NAV1: variants seen among roughly 807,000 people sequenced by gnomAD.
NAV1 encodes the protein pore membrane and/or filament interacting like protein 3.
In NAV1, 18 loss-of-function variants were observed where a neutral mutation model predicts 175.2. The observed-to-expected ratio is 0.10, with a 90% CI of 0.07 to 0.15. The LOEUF is 0.15. Among genes scored for constraint, NAV1 ranks in the 10% least tolerant of loss-of-function variants. The pLI is 1.00. For missense variants in NAV1, 1,731 were observed against 2,436.6 expected, an observed-to-expected ratio of 0.71 and a Z score of 6.10; for synonymous variants, 897 against 978.7, an observed-to-expected ratio of 0.92 and a Z score of 1.56.
intron 1 of NAV1, among the ~76,000 whole-genome samples, chr1:201,682,407 GA>G (rs1670502672): frequency 6.6e-6 from 1 of 152,188 alleles, no homozygotes; most frequent in Admixed American, 6.5e-5. Context: ...TTCACTGGCT[GA>G]AACTATTTTA....
At chr1:201,583,010 C>G (rs902468743) in intron 1 of NAV1, among the ~76,000 whole-genome samples, 1 of 152,246 alleles carries the variant, frequency 6.6e-6, no homozygotes, top group African/African-American at 2.4e-5. Context: ...ACTGTGTATA[C>G]GGGATCCCTC....
rs569804245 is a variant in NAV1 at position 201,741,596 on chromosome 1, A to G, written c.1226+22841A>G. Among the ~76,000 whole-genome samples, 5 of 152,264 alleles carry G rather than the reference A, an allele frequency of 3.3e-5. No homozygotes were observed. In the East Asian group the frequency reaches 7.7e-4, roughly 24 times the overall value. ...TTCAGATCCACATAGGGTGTGCCCA[A>G]GGAAAATTATAATTGCCACCCAAAC... is the stretch of plus-strand genomic sequence containing the variant. On this transcript the variant is annotated intron_variant, in intron 3 of 29. Transcript: ENST00000367296.
intron 1 of NAV1, among the ~76,000 whole-genome samples, chr1:201,705,719 C>T (rs1399480564): frequency 6.6e-6 from 1 of 152,128 alleles, no homozygotes; most frequent in Non-Finnish European, 1.5e-5. Context: ...GGTGTGGGGG[C>T]CTGCCAGCAT....
Position 201,773,179 on chromosome 1 carries a change from G to T in NAV1, c.1227-7242G>T, listed in dbSNP as rs377495331. On this transcript the variant is annotated intron_variant, in intron 3 of 29. Coordinates refer to ENST00000367296, the Ensembl canonical transcript of NAV1. ...TAATCACTATACTACATTAATGATG[G>T]CTCATGAATAATCTTGATAAATGGG... 2.6e-5 allele frequency among the ~76,000 whole-genome samples: 4 copies of T among 152,164 alleles called. No individual in the cohort carries two copies. In the East Asian group the frequency reaches 7.7e-4, roughly 29 times the overall value.
intron 28 of NAV1, among the ~76,000 whole-genome samples, chr1:201,814,813 G>A (rs767150627): frequency 2.6e-5 from 4 of 151,976 alleles, no homozygotes; most frequent in Admixed American, 6.6e-5. Flanking sequence ...GCCAAGGCAG[G>A]CGGATCACAA....
At chr1:201,669,684 C>T (rs963353945) in intron 1 of NAV1, among the ~76,000 whole-genome samples, 1 of 152,186 alleles carries the variant, frequency 6.6e-6, no homozygotes, top group African/African-American at 2.4e-5. Flanking sequence ...TCCTGGAAGA[C>T]ACTAGAAGCT....
intron 2 of NAV1, among the ~76,000 whole-genome samples, chr1:201,716,691 C>T (rs1672155343): frequency 6.6e-6 from 1 of 152,134 alleles, no homozygotes; most frequent in African/African-American, 2.4e-5. Context: ...CCAGCCTGGA[C>T]AACATGGCAA....
chr1:201,780,982 T>C (rs1286029701), intron 4 of NAV1, 30 bp from the exon 9 acceptor site: 2 of 1,566,720 alleles, frequency 1.3e-6, no homozygotes, highest in Admixed American at 3.7e-5. Context: ...CATAGAAGTA[T>C]CTCACTCTGC....
At chr1:201,594,993 C>T (rs559309610) in intron 2 of NAV1, among the ~76,000 whole-genome samples, 4 of 152,328 alleles carry the variant, frequency 2.6e-5, no homozygotes, top group East Asian at 1.9e-4. Context: ...CCTAGCACAG[C>T]GAGGAGGCCG....
intron 1 of NAV1, among the ~76,000 whole-genome samples, chr1:201,670,988 T>A (rs1036913042): frequency 6.6e-6 from 1 of 152,154 alleles, no homozygotes; most frequent in South Asian, 2.1e-4. Flanking sequence ...AGAGCAGTCA[T>A]CCTATCTGCA....
chr1:201,590,581 G>C (rs76279111), intron 2 of NAV1, among the ~76,000 whole-genome samples: 2 of 152,058 alleles, frequency 1.3e-5, no homozygotes, highest in African/African-American at 2.4e-5. Context: ...TTTCTTTTTC[G>C]GACACAGGTG....
In NAV1 at chr1:201,812,334, C is replaced by T; in HGVS notation, c.5025-131C>T. On this transcript the variant is annotated intron_variant, in intron 26 of 29. Transcript: ENST00000367296. The surrounding 1 kb of genome is among the most constrained non-coding windows in gnomAD (Gnocchi z 4.6). ...GCTGCTCTGAGTTCCGATGTCCCCA[C>T]TATTACTTGAAAAGAAACCAAGTAG... The T allele has an allele frequency of 1.1e-6, 1 of 890,104 alleles. No individual in the cohort carries two copies. The highest frequency in any genetic ancestry group is 1.7e-6 in the Non-Finnish European group (1 of 577,882). 55.1% of individuals were successfully genotyped at this position (890,104 alleles called of 1,614,324 possible). A position where few individuals can be genotyped will look rare whatever the true frequency, so the allele number is the denominator to read the frequency against.
chr1:201,590,179 C>T (rs1667146890), intron 2 of NAV1, among the ~76,000 whole-genome samples: 1 of 152,232 alleles, frequency 6.6e-6, no homozygotes, highest in Non-Finnish European at 1.5e-5. Flanking sequence ...AGGCATGAGC[C>T]ACCATGCCCG....
chr1:201,616,840 G>A (rs1455078643), intron 2 of NAV1, among the ~76,000 whole-genome samples: 3 of 152,180 alleles, frequency 2.0e-5, no homozygotes, highest in Non-Finnish European at 4.4e-5. Flanking sequence ...TGTCACGAGT[G>A]TGCATGTGTT....
chr1:201,691,838 C>T (rs1341314849), intron 1 of NAV1, among the ~76,000 whole-genome samples: 2 of 152,228 alleles, frequency 1.3e-5, no homozygotes, highest in Non-Finnish European at 2.9e-5. Flanking sequence ...CTCAACACAG[C>T]CCTCTAAGAA....
At position 201,801,288 on chromosome 1, in the gene NAV1, A is replaced by G. The variant is rs538595964; in HGVS notation, c.3518-2305A>G. Among the ~76,000 whole-genome samples, 140 of 152,338 alleles carry G rather than the reference A, an allele frequency of 9.2e-4. 1 individual carries two copies. The highest frequency in any genetic ancestry group is 1.7e-3 in the Non-Finnish European group (116 of 68,038). On this transcript the variant is annotated intron_variant, in intron 15 of 29. Transcript: ENST00000367296. ...TTGTTTTCCCTGTAGTATCAAGGGA[A>G]AATTAGAGTTTAAAAGATCCATTTC...
At position 201,810,513 on chromosome 1, in the gene NAV1, G is replaced by C; in HGVS notation, c.4562-10G>C. On this transcript the variant is annotated splice_polypyrimidine_tract_variant and intron_variant, in intron 23 of 29. Coordinates refer to ENST00000367296, the Ensembl canonical transcript of NAV1. This position sits in a 1 kb window ranked among gnomAD's most constrained non-coding sequence, Gnocchi z 6.0. ...GGTCAATACTCATGCTTTCTGGGGT[G>C]GGGGTTCAGGTCTGAAGGAGAAATG... The C allele has an allele frequency of 6.2e-7, 1 of 1,601,156 alleles. No individual in the cohort carries two copies. Among genetic ancestry groups the C allele is most frequent in the South Asian group, 1.1e-5 (1 of 89,174 alleles).
At chr1:201,561,743 G>A (rs948870403) in intron 1 of NAV1, among the ~76,000 whole-genome samples, 1 of 152,148 alleles carries the variant, frequency 6.6e-6, no homozygotes, top group African/African-American at 2.4e-5. Flanking sequence ...ACAAGGCTGT[G>A]TTTGGCTGTG....
Position 201,711,821 on chromosome 1 carries a change from A to T in NAV1, c.758-996A>T, listed in dbSNP as rs1571900432. Among the ~76,000 whole-genome samples, 5 of 152,328 alleles carry T rather than the reference A, an allele frequency of 3.3e-5. No homozygotes were observed. In the East Asian group the frequency reaches 9.6e-4, roughly 29 times the overall value. On this transcript the variant is annotated intron_variant, in intron 1 of 29. Coordinates refer to ENST00000367296, the Ensembl canonical transcript of NAV1. The stretch of plus-strand genomic sequence containing the variant: ...TCCTTAGGGCCCAGGGTGGTGCCTG[A>T]TGTGAAGTAAGTGCTTGATAAAGAT...
Sources: gnomAD v4.1 joint callset for allele counts (sites outside exome capture counted in the v4.1 genomes callset) on GRCh38, gnomAD v4.1.1 for gene constraint, Gnocchi (gnomAD v3.1) non-coding constraint, MANE v1.5 for transcripts, NCBI Gene and HGNC (gene_info 2026-07-23, HGNC 2026-07-21) for gene names.